Variants in DLG2 observed in about 807,000 individuals in gnomAD.
The protein encoded by DLG2 is discs large MAGUK scaffold protein 2.
In DLG2, 45 loss-of-function variants were observed where a neutral mutation model predicts 132.5. The observed-to-expected ratio is 0.34, with a 90% CI of 0.27 to 0.44. DLG2 has a LOEUF of 0.44. DLG2 is among the 20% of genes least tolerant of loss of function. The probability of loss-of-function intolerance (pLI) is 1.00; values close to 1 mark genes in which losing one functional copy is unlikely to be tolerated. For missense variants in DLG2, 1,045 were observed against 1,196.9 expected (o/e 0.87, Z 1.87); for synonymous variants, 424 against 419.6 (o/e 1.01, Z -0.13).
chr11:83,800,604 T>C (rs911306800), intron 17 of DLG2, among the ~76,000 whole-genome samples: 2 of 152,204 alleles, frequency 1.3e-5, no homozygotes, highest in Non-Finnish European at 2.9e-5. Context: ...TTATGTATCT[T>C]AGCAGTTAAA....
intron 6 of DLG2, among the ~76,000 whole-genome samples, chr11:84,999,923 A>G (rs568131259): frequency 1.3e-5 from 2 of 152,264 alleles, no homozygotes; most frequent in Admixed American, 1.3e-4. Flanking sequence ...TCTGCATCCT[A>G]TTCCAAAGAA....
At chr11:84,220,869 C>T (rs1314540347) in intron 8 of DLG2, among the ~76,000 whole-genome samples, 2 of 378 alleles carry the variant, frequency 5.3e-3, no homozygotes, top group Non-Finnish European at 0.011. Flanking sequence ...GCAGTTTTCA[C>T]CTCCAGGCTC....
chr11:84,268,055 A>C (rs2097666201), intron 7 of DLG2, among the ~76,000 whole-genome samples: 1 of 152,216 alleles, frequency 6.6e-6, no homozygotes, highest in Non-Finnish European at 1.5e-5. Context: ...TCAAAGTGTT[A>C]GATCACAAGT....
chr11:85,077,894 C>A (rs1485036176), intron 6 of DLG2, among the ~76,000 whole-genome samples: 1 of 152,100 alleles, frequency 6.6e-6, no homozygotes, highest in East Asian at 1.9e-4. Context: ...CAGGGTTGTG[C>A]TGTCTATAAG....
intron 8 of DLG2, among the ~76,000 whole-genome samples, chr11:84,173,837 C>A (rs2095876453): frequency 6.6e-6 from 1 of 152,094 alleles, no homozygotes; most frequent in Admixed American, 6.6e-5. Flanking sequence ...TGACCACCCA[C>A]CACTCGCAAC....
At chr11:85,361,317 T>TC (rs1014938196) in intron 3 of DLG2, among the ~76,000 whole-genome samples, 1 of 151,608 alleles carries the variant, frequency 6.6e-6, no homozygotes, top group African/African-American at 2.4e-5. Flanking sequence ...TCTATTTTTT[T>TC]TTTTAATTTT....
intron 9 of DLG2, among the ~76,000 whole-genome samples, chr11:84,152,998 G>A (rs1184598970): frequency 6.6e-6 from 1 of 152,126 alleles, no homozygotes; most frequent in Non-Finnish European, 1.5e-5. Context: ...TTTGATTTCT[G>A]TTTAGAACTC....
intron 18 of DLG2, among the ~76,000 whole-genome samples, chr11:83,638,406 A>G (rs2065424258): frequency 6.6e-6 from 1 of 152,200 alleles, no homozygotes; most frequent in Non-Finnish European, 1.5e-5. Flanking sequence ...CTCAAGTAAA[A>G]TAGGAATAAG....
intron 7 of DLG2, among the ~76,000 whole-genome samples, chr11:84,432,353 G>T (rs2098987210): frequency 6.6e-6 from 1 of 152,198 alleles, no homozygotes; most frequent in Non-Finnish European, 1.5e-5. Flanking sequence ...TGACAGAGAG[G>T]AAAGCAGAGG....
intron 4 of DLG2, among the ~76,000 whole-genome samples, chr11:85,184,441 G>A (rs1418652735): frequency 6.6e-6 from 1 of 151,156 alleles, no homozygotes; most frequent in East Asian, 1.9e-4. Context: ...CCATTTTGTA[G>A]AGAAACAAGG....
chr11:84,559,960 A>T lies in DLG2; in HGVS notation c.358-25229T>A, dbSNP rs565061949. Among the ~76,000 whole-genome samples, 9 of 152,228 alleles carry T rather than the reference A, an allele frequency of 5.9e-5. No homozygotes were observed. In the South Asian group the frequency reaches 1.7e-3, roughly 28 times the overall value. On this transcript the variant is annotated intron_variant, in intron 6 of 27. Coordinates refer to ENST00000376104, the MANE Select transcript of DLG2 (RefSeq NM_001142699.3). Reference sequence around the variant, plus strand: ...GTTTTTAGCTATTATTTTGATGAAGACCTACTCTGTGCCAGATATTCCTCT... The same window carrying T: ...GTTTTTAGCTATTATTTTGATGAAGTCCTACTCTGTGCCAGATATTCCTCT...
chr11:85,201,920 A>G (rs1161419554), intron 4 of DLG2, among the ~76,000 whole-genome samples: 1 of 152,128 alleles, frequency 6.6e-6, no homozygotes, highest in Non-Finnish European at 1.5e-5. Flanking sequence ...AAAATTCTAG[A>G]GCTTAAAAAT....
chr11:83,779,816 G>A (rs777143176), intron 18 of DLG2, among the ~76,000 whole-genome samples: 57 of 152,188 alleles, frequency 3.7e-4, no homozygotes, highest in Middle Eastern at 6.8e-3. Flanking sequence ...TAACTAGGTC[G>A]TGCATTCATT....
At chr11:85,024,765 CT>C in intron 6 of DLG2, among the ~76,000 whole-genome samples, 1 of 152,248 alleles carries the variant, frequency 6.6e-6, no homozygotes, top group South Asian at 2.1e-4. Context: ...TCTGCAAACA[CT>C]TTTTTTCCAA....
rs552583663 is a variant in DLG2, at chr11:84,223,991, G to A, written c.573+27247C>T. 6.6e-4 allele frequency among the ~76,000 whole-genome samples: 100 copies of A among 152,338 alleles called. 3 individuals carry two copies. Among genetic ancestry groups the A allele is most frequent in the African/African-American group, 2.3e-3 (94 of 41,588 alleles). ...AATGGAGGCCTGCCTTTCCACTCAA[G>A]GGTGAGGGTTTAGGCCTCCAGGTTT... On this transcript the variant is annotated intron_variant, in intron 8 of 27. Coordinates refer to ENST00000376104, the MANE Select transcript of DLG2 (RefSeq NM_001142699.3).
At position 84,500,349 on chromosome 11, in the gene DLG2, G is replaced by GAA. The variant is rs147115246; in HGVS notation, c.519+34219_519+34220dup. Among the ~76,000 whole-genome samples the GAA allele has an allele frequency of 1.1e-3, 130 of 114,510 alleles. 1 individual carries two copies. The East Asian group carries it at 0.018, about 16-fold the overall frequency. 75.1% of individuals were successfully genotyped at this position (114,510 alleles called of 152,430 possible). A position where few individuals can be genotyped will look rare whatever the true frequency, so the allele number is the denominator to read the frequency against. On this transcript the variant is annotated intron_variant, in intron 7 of 27. Coordinates refer to ENST00000376104, the MANE Select transcript of DLG2 (RefSeq NM_001142699.3). The stretch of plus-strand genomic sequence containing the variant: ...CTCAGCCAAGGTTATTTGGTTGCAA[G>GAA]AAAAAAAAAAAAAAAGCAAACAACA...
At chr11:85,111,236 T>G (rs1423415782) in intron 6 of DLG2, among the ~76,000 whole-genome samples, 4 of 152,150 alleles carry the variant, frequency 2.6e-5, no homozygotes. Context: ...AGACTATTAT[T>G]ACACCAGGAA....
At chr11:85,180,351 T>G (rs1269127801) in intron 4 of DLG2, among the ~76,000 whole-genome samples, 1 of 151,840 alleles carries the variant, frequency 6.6e-6, no homozygotes, top group Non-Finnish European at 1.5e-5. Flanking sequence ...TTTGTTAAAC[T>G]TTTTTTAATG....
At chr11:84,539,517 G>T (rs1267443914) in intron 6 of DLG2, among the ~76,000 whole-genome samples, 1 of 152,192 alleles carries the variant, frequency 6.6e-6, no homozygotes, top group Admixed American at 6.5e-5. Context: ...CTGTATTGCA[G>T]TCTGTGCTTT....
Sources: gnomAD v4.1 joint callset for allele counts (sites outside exome capture counted in the v4.1 genomes callset) on GRCh38, gnomAD v4.1.1 for gene constraint, MANE v1.5 for transcripts, NCBI Gene and HGNC (gene_info 2026-07-23, HGNC 2026-07-21) for gene names.